Variants in FAXC observed in about 807,000 individuals in gnomAD.
The protein encoded by FAXC is failed axon connections homolog.
A neutral mutation model predicts 41.9 loss-of-function variants in FAXC; 10 were observed. The ratio of observed to expected loss-of-function variants is 0.24; its 90% CI spans 0.15 to 0.41. The LOEUF (loss-of-function observed/expected upper bound fraction) is 0.41. FAXC is among the 10% of genes least tolerant of loss of function. FAXC has a pLI of 1.00. For missense variants in FAXC, 399 were observed against 510.9 expected (o/e 0.78, Z 2.11); for synonymous variants, 183 against 183.8 (o/e 1.00, Z 0.03).
intron 1 of FAXC, among the ~76,000 whole-genome samples, chr6:99,347,849 C>G (rs1489467830): frequency 6.6e-6 from 1 of 152,162 alleles, no homozygotes; most frequent in Non-Finnish European, 1.5e-5. Context: ...AGAGATAATT[C>G]TCTTTAAATT....
At chr6:99,340,766 C>T (rs1216417559) in intron 2 of FAXC, among the ~76,000 whole-genome samples, 1 of 146,662 alleles carries the variant, frequency 6.8e-6, no homozygotes. Context: ...CCTCCCGGGT[C>T]CAAGTACTTC....
At chr6:99,334,135 G>A (rs1189957773) in intron 2 of FAXC, among the ~76,000 whole-genome samples, 2 of 152,178 alleles carry the variant, frequency 1.3e-5, no homozygotes, top group African/African-American at 4.8e-5. Flanking sequence ...CTGGACTACT[G>A]GATCAGAATC....
intron 4 of FAXC, among the ~76,000 whole-genome samples, chr6:99,315,739 T>C (rs1325247608): frequency 1.3e-5 from 2 of 152,238 alleles, no homozygotes; most frequent in Non-Finnish European, 2.9e-5. Context: ...AAAGCACTCC[T>C]AAGATCCACA....
chr6:99,303,343 C>T (rs545969593), intron 4 of FAXC, among the ~76,000 whole-genome samples: 21 of 152,316 alleles, frequency 1.4e-4, no homozygotes, highest in Non-Finnish European at 3.1e-4. Context: ...AGTAAATATA[C>T]TTAACTTTTA....
chr6:99,333,772 G>A (rs775900811), intron 2 of FAXC, among the ~76,000 whole-genome samples: 4 of 151,980 alleles, frequency 2.6e-5, no homozygotes, highest in South Asian at 2.1e-4. Context: ...AGATTCTATC[G>A]TGGACTTTGG....
At chr6:99,286,256 C>A (rs968328732) in intron 5 of FAXC, among the ~76,000 whole-genome samples, 1 of 152,142 alleles carries the variant, frequency 6.6e-6, no homozygotes, top group Non-Finnish European at 1.5e-5. Flanking sequence ...ATGAAAACAC[C>A]CCCTTTGCCT....
chr6:99,307,689 G>C lies in FAXC; in HGVS notation c.823+15755C>G, dbSNP rs1415654140. On this transcript the variant is annotated intron_variant, in intron 4 of 5. Coordinates refer to ENST00000389677, the MANE Select transcript of FAXC (RefSeq NM_032511.4). ...TTAAGTCTGGAGCTGGCCTATAGGA[G>C]AGGGCGGTTTAATGGAAAGAGTGAG... 3.9e-5 allele frequency among the ~76,000 whole-genome samples: 6 copies of C among 152,158 alleles called. No homozygotes were observed. In the East Asian group the frequency reaches 1.2e-3, roughly 29 times the overall value.
intron 2 of FAXC, chr6:99,334,709 A>C: frequency 2.6e-6 from 1 of 382,830 alleles, no homozygotes; most frequent in Non-Finnish European, 3.6e-6. Context: ...TATCCTCCAC[A>C]CTGCCACCAG....
intron 3 of FAXC, among the ~76,000 whole-genome samples, chr6:99,324,519 T>C (rs1216898670): frequency 6.6e-6 from 1 of 152,204 alleles, no homozygotes; most frequent in Non-Finnish European, 1.5e-5. Context: ...CAACTGCCAA[T>C]GGAACTTGGC....
chr6:99,275,721 A>G lies in FAXC; in HGVS notation c.*5443T>C, dbSNP rs2128444333. On this transcript the variant is annotated 3_prime_UTR_variant, in exon 6 of 6. Transcript: ENST00000389677. ...TGGTTCCAGCAGTCTCATCTCAAAGATTAAGGAAACTTAAATATCCTTAAG... is the reference window on the plus strand; with the variant it reads ...TGGTTCCAGCAGTCTCATCTCAAAGGTTAAGGAAACTTAAATATCCTTAAG... 1.3e-5 allele frequency: 2 copies of G among 152,304 alleles called. No individual in the cohort carries two copies. Among genetic ancestry groups the G allele is most frequent in the Middle Eastern group, 3.4e-3 (1 of 296 alleles). The allele number at this position is 152,304 out of a possible 1,614,324, so 9.4% of individuals were successfully genotyped here.
At chr6:99,314,428 G>C (rs554686464) in intron 4 of FAXC, among the ~76,000 whole-genome samples, 1 of 152,168 alleles carries the variant, frequency 6.6e-6, no homozygotes, top group Non-Finnish European at 1.5e-5. Flanking sequence ...ACAAAAATTA[G>C]CTGGGCGTGG....
intron 5 of FAXC, among the ~76,000 whole-genome samples, chr6:99,282,450 T>C (rs990211001): frequency 1.3e-4 from 20 of 152,182 alleles, no homozygotes; most frequent in African/African-American, 4.3e-4. Flanking sequence ...AAGATATTTT[T>C]AAATTTTTAC....
At chr6:99,329,066 C>T (rs1284498086) in intron 3 of FAXC, among the ~76,000 whole-genome samples, 1 of 152,198 alleles carries the variant, frequency 6.6e-6, no homozygotes, top group Non-Finnish European at 1.5e-5. Context: ...TCACTCTCCA[C>T]TGGGAGGAGA....
At chr6:99,344,847 C>T (rs1213271416) in intron 1 of FAXC, among the ~76,000 whole-genome samples, 2 of 152,132 alleles carry the variant, frequency 1.3e-5, no homozygotes, top group Non-Finnish European at 2.9e-5. Flanking sequence ...AAAATCCCTG[C>T]TCCATCAGCC....
rs1773701535 is a variant in FAXC, at chr6:99,349,148, C to T, written c.225G>A (p.Leu75=). Residue 75 remains leucine (L), a synonymous_variant, in exon 1 of 6, where the codon CTG becomes CTA. Transcript: ENST00000389677. The part of the protein sequence containing the change: ...KTLYLTGGAL[L]AAAAYLLHEL... ...CGTGGAGCAGATACGCAGCTGCGGCCAGCAAAGCTCCCCCGGTCAAGTAAA... is the reference window on the plus strand; with the variant it reads ...CGTGGAGCAGATACGCAGCTGCGGCTAGCAAAGCTCCCCCGGTCAAGTAAA... 6.2e-7 allele frequency: 1 copy of T among 1,613,746 alleles called. No individual in the cohort carries two copies. Among genetic ancestry groups the T allele is most frequent in the African/African-American group, 1.3e-5 (1 of 75,048 alleles).
At chr6:99,283,984 C>CACAGAGA (rs1770924348) in intron 5 of FAXC, 1 of 152,190 alleles carries the variant, frequency 6.6e-6, no homozygotes, top group Non-Finnish European at 1.5e-5. Flanking sequence ...GAAGAGGTGT[C>CACAGAGA]TGCTCTGTGA....
chr6:99,312,453 T>C (rs989348867), intron 4 of FAXC, among the ~76,000 whole-genome samples: 1 of 152,158 alleles, frequency 6.6e-6, no homozygotes. Context: ...CACTCATTCA[T>C]AGAGAGACAT....
At chr6:99,349,056 A>T in intron 1 of FAXC, 51 bp downstream of exon 1, 1 of 1,572,436 alleles carries the variant, frequency 6.4e-7, no homozygotes, top group Non-Finnish European at 8.7e-7. Context: ...GCCCTGCCCT[A>T]GCCAGGTGCC....
At chr6:99,297,846 C>A (rs910288747) in intron 4 of FAXC, among the ~76,000 whole-genome samples, 1 of 152,204 alleles carries the variant, frequency 6.6e-6, no homozygotes, top group Non-Finnish European at 1.5e-5. Flanking sequence ...GAAGGCTTCC[C>A]ACACGGTCCC....
Sources: gnomAD v4.1 joint callset for allele counts (sites outside exome capture counted in the v4.1 genomes callset) on GRCh38, gnomAD v4.1.1 for gene constraint, MANE v1.5 for transcripts, NCBI Gene and HGNC (gene_info 2026-07-23, HGNC 2026-07-21) for gene names.